Variants in TMEM259 observed in about 807,000 individuals in gnomAD.
TMEM259 encodes transmembrane protein 259.
A neutral mutation model predicts 46.7 loss-of-function variants in TMEM259; 26 were observed. The observed-to-expected ratio is 0.56, with a 90% CI of 0.41 to 0.77. TMEM259 has a LOEUF of 0.77. TMEM259 is among the 30% of genes least tolerant of loss of function. TMEM259 has a pLI of 0.00. For missense variants in TMEM259, 930 were observed against 900.5 expected (o/e 1.03, Z -0.42); for synonymous variants, 494 against 395.1 (o/e 1.25, Z -2.97).
chr19:1,016,796 G>A (rs575900105), intron 1 of TMEM259, among the ~76,000 whole-genome samples: 3 of 152,292 alleles, frequency 2.0e-5, no homozygotes, highest in African/African-American at 4.8e-5. Context: ...CAGGGTCAGC[G>A]GGAGAGGGCA....
At chr19:1,015,280 G>T (rs2039071357) in intron 1 of TMEM259, among the ~76,000 whole-genome samples, 1 of 152,190 alleles carries the variant, frequency 6.6e-6, no homozygotes, top group Non-Finnish European at 1.5e-5. Context: ...TCCTGCCCAG[G>T]GGATGCTTGG....
chr19:1,011,858 C>T (rs371837146), intron 6 of TMEM259, 34 bp downstream of exon 6: 313 of 1,593,892 alleles, frequency 2.0e-4, no homozygotes, highest in African/African-American at 9.4e-4. Flanking sequence ...GGCTCCCGCC[C>T]GGCCAGCCCC....
chr19:1,013,576 C>G, intron 2 of TMEM259: 1 of 501,534 alleles, frequency 2.0e-6, no homozygotes, highest in Non-Finnish European at 3.6e-6. Flanking sequence ...GAAGCTGAGG[C>G]AAGGGCCAGC....
Position 1,020,628 on chromosome 19 carries a change from A to C in TMEM259, c.225+144T>G. On this transcript the variant is annotated intron_variant, in intron 1 of 10. Transcript: ENST00000356663. This position sits in a 1 kb window ranked among gnomAD's most constrained non-coding sequence, Gnocchi z 4.0. ...GTCAGAGGTCGCGAGGGAGAGCCCT[A>C]ATCGGTAGGGCCGGGTATAGGCCTC... The C allele has an allele frequency of 2.0e-6, 1 of 493,362 alleles. No homozygotes were observed. Among genetic ancestry groups the C allele is most frequent in the Non-Finnish European group, 3.2e-6 (1 of 313,544 alleles). The allele number at this position is 493,362 out of a possible 1,614,324, so 30.6% of individuals were successfully genotyped here.
rs769956808 is a variant in TMEM259 at position 1,014,285 on chromosome 19, C to A, written c.414G>T (p.Pro138=). ...FCDSGGRGSF[P]GLAVEPGSNL... is the part of the protein sequence containing the mutation. Reference sequence around the variant, plus strand: ...TGCTGCCTGGTTCCACGGCCAGGCCCGGGAAGCTCCCGCGGCCGCCGCTGT... The same window carrying A: ...TGCTGCCTGGTTCCACGGCCAGGCCAGGGAAGCTCCCGCGGCCGCCGCTGT... Residue 138 remains proline, a synonymous_variant, in exon 2 of 11, where the codon CCG becomes CCT. Transcript: ENST00000356663. The A allele has an allele frequency of 6.2e-7, 1 of 1,612,886 alleles. No homozygotes were observed. Among genetic ancestry groups the A allele is most frequent in the Non-Finnish European group, 8.5e-7 (1 of 1,179,826 alleles).
chr19:1,014,209 C>T lies in TMEM259; in HGVS notation c.490G>A (p.Gly164Arg). 6.2e-7 allele frequency: 1 copy of T among 1,608,118 alleles called. No homozygotes were observed. The highest frequency in any genetic ancestry group is 8.5e-7 in the Non-Finnish European group (1 of 1,175,364). ...TGGCTCACCTTGATGGAGCTGTTCC[C>T]AAACATCTCCATGGTCAGCTCTTCC... The part of the protein sequence containing the change: ...EEEELTMEMF[G>R]NSSIKFELDI... The change falls in exon 2 of 11, where the codon GGG (glycine) becomes AGG (arginine). Residue 164 changes from glycine to arginine, a missense_variant. By Grantham distance (125) the Gly-to-Arg change is moderately radical. Transcript: ENST00000356663.
At chr19:1,017,479 C>T (rs2039149345) in intron 1 of TMEM259, 2 of 399,158 alleles carry the variant, frequency 5.0e-6, no homozygotes, top group Admixed American at 4.4e-5. Flanking sequence ...ATCCCACTGG[C>T]TGTGGCTCAC....
At chr19:1,013,477 C>G in intron 2 of TMEM259, 137 bp from the exon 3 acceptor site, 1 of 768,516 alleles carries the variant, frequency 1.3e-6, no homozygotes, top group Non-Finnish European at 2.1e-6. Flanking sequence ...CCAGGGTGGA[C>G]TACGTGTGCC....
At position 1,020,888 on chromosome 19, in the gene TMEM259, G is replaced by A; in HGVS notation, c.109C>T (p.Leu37Phe). 2 of 1,327,312 alleles carry A rather than the reference G, an allele frequency of 1.5e-6. No individual in the cohort carries two copies. The highest frequency in any genetic ancestry group is 3.0e-5 in the East Asian group (1 of 33,426). 82.2% of individuals were successfully genotyped at this position (1,327,312 alleles called of 1,614,324 possible). The change falls in exon 1 of 11, where the codon CTC (leucine) becomes TTC (phenylalanine). Residue 37 changes from leucine to phenylalanine, a missense_variant. Physicochemically the swap from Leu to Phe is conservative, Grantham distance 22. Transcript: ENST00000356663. This position sits in a 1 kb window ranked among gnomAD's most constrained non-coding sequence, Gnocchi z 4.0. ...PRTPNLNPNP[L>F]INVRDRLFHA... is the part of the protein sequence containing the mutation. ...AAGAGCCGGTCGCGCACGTTGATGA[G>A]GGGGTTGGGGTTGAGATTGGGGGTG...
chr19:1,017,344 C>G (rs1284698397), intron 1 of TMEM259: 3 of 399,306 alleles, frequency 7.5e-6, no homozygotes, highest in Non-Finnish European at 1.3e-5. Context: ...ACTCGCATGC[C>G]CTGGGTGGTC....
chr19:1,011,503 C>T lies in TMEM259; in HGVS notation c.1085-4G>A. ...TCCGACATGATGGCCTCCATCCCTG[C>T]AGGGAGAGGCGGCGCCGGTTGAAGC... On this transcript the variant is annotated splice_region_variant and splice_polypyrimidine_tract_variant and intron_variant, in intron 8 of 10. Transcript: ENST00000356663. The T allele has an allele frequency of 6.5e-7, 1 of 1,541,926 alleles. No individual in the cohort carries two copies. The highest frequency in any genetic ancestry group is 8.7e-7 in the Non-Finnish European group (1 of 1,144,580).
intron 4 of TMEM259, 97 bp from the exon 5 acceptor site, chr19:1,012,285 T>C: frequency 1.3e-6 from 2 of 1,516,990 alleles, no homozygotes; most frequent in Non-Finnish European, 1.8e-6. Flanking sequence ...GCCTGCTTCC[T>C]GGCCCTGCCC....
At chr19:1,011,835 C>T (rs745982074) in intron 6 of TMEM259, 37 bp from the exon 7 acceptor site, 7 of 1,588,150 alleles carry the variant, frequency 4.4e-6, no homozygotes, top group Admixed American at 3.5e-5. Flanking sequence ...TGAGGGGCTG[C>T]GAGGGCCTGC....
At chr19:1,018,393 G>C (rs927785902) in intron 1 of TMEM259, among the ~76,000 whole-genome samples, 8 of 152,174 alleles carry the variant, frequency 5.3e-5, no homozygotes, top group African/African-American at 1.9e-4. Context: ...ATTTCCTAAA[G>C]CCACCCAGGC....
Position 1,011,140 on chromosome 19 carries a change from G to T in TMEM259, c.1273C>A (p.Gln425Lys). The change falls in exon 10 of 11, where the codon CAG (glutamine) becomes AAG (lysine). Residue 425 changes from glutamine (Q) to lysine (K), a missense_variant. Coordinates refer to ENST00000356663, the MANE Select transcript of TMEM259 (RefSeq NM_001033026.2). The stretch of plus-strand genomic sequence containing the variant: ...GTGACCAGGGCCAGGCTGCTATACT[G>T]CCCATTGAAGCGGTAGTGATAGGCA... ...FYAYHYRFNG[Q>K]YSSLALVTSW... 1 of 1,605,132 alleles carries T rather than the reference G, an allele frequency of 6.2e-7. No homozygotes were observed.
At position 1,020,081 on chromosome 19, in the gene TMEM259, G is replaced by A. The variant is rs1208051172; in HGVS notation, c.225+691C>T. Among the ~76,000 whole-genome samples, 16 of 152,286 alleles carry A rather than the reference G, an allele frequency of 1.1e-4. No homozygotes were observed. Among genetic ancestry groups the A allele is most frequent in the African/African-American group, 3.6e-4 (15 of 41,552 alleles). On this transcript the variant is annotated intron_variant, in intron 1 of 10. Coordinates refer to ENST00000356663, the MANE Select transcript of TMEM259 (RefSeq NM_001033026.2). The surrounding 1 kb of genome is among the most constrained non-coding windows in gnomAD (Gnocchi z 4.0). ...CCCACAACCTGAGCTCCTGAAGCAG[G>A]AAGGGAGTGGGGACCCAGCGGAGGA...
rs1273618862 is a variant in TMEM259, at chr19:1,009,961, C to T, written c.*389G>A. ...GCACCAGGCAGAGCCGGGCTGAGGCCGGCCGGCACTAGGGCGCGAGGCCCC... is the reference window on the plus strand; with the variant it reads ...GCACCAGGCAGAGCCGGGCTGAGGCTGGCCGGCACTAGGGCGCGAGGCCCC... On this transcript the variant is annotated 3_prime_UTR_variant, in exon 11 of 11. Transcript: ENST00000356663. The T allele has an allele frequency of 1.6e-5, 5 of 314,730 alleles. No individual in the cohort carries two copies. In the Admixed American group the frequency reaches 2.0e-4, roughly 13 times the overall value. 19.5% of individuals were successfully genotyped at this position (314,730 alleles called of 1,614,324 possible).
chr19:1,010,644 C>G lies in TMEM259; in HGVS notation c.1569G>C (p.Leu523=), dbSNP rs760663235. ...CTGCCACTGAGGCTGCCGCGGCCAC[C>G]AGGGAGCTGGGCGCCGCTGCCACAG... ...PGPVAAAPSS[L]VAAAASVAAA... The change falls in exon 11 of 11, where the codon CTG becomes CTC. Residue 523 remains leucine, a synonymous_variant. Coordinates refer to ENST00000356663, the MANE Select transcript of TMEM259 (RefSeq NM_001033026.2). The G allele has an allele frequency of 1.6e-5, 25 of 1,541,974 alleles. No homozygotes were observed. In the African/African-American group the frequency reaches 3.4e-4, roughly 21 times the overall value.
chr19:1,010,787 T>C lies in TMEM259; in HGVS notation c.1426A>G (p.Thr476Ala). 6.4e-7 allele frequency: 1 copy of C among 1,566,366 alleles called. No homozygotes were observed. Reference sequence around the variant, plus strand: ...TTGTTCATGTCATCGGGCAGCGCCGTGGGGGTCCCGGGGCCCAGTGGCGGC... The same window carrying C: ...TTGTTCATGTCATCGGGCAGCGCCGCGGGGGTCCCGGGGCCCAGTGGCGGC... ...QAPPLGPGTPTALPDDMNNNS... is the reference protein window; with the variant it reads ...QAPPLGPGTPAALPDDMNNNS... Residue 476 changes from threonine to alanine, a missense_variant, in exon 11 of 11, where the codon ACG becomes GCG. By Grantham distance (58) the Thr-to-Ala change is moderately conservative. Coordinates refer to ENST00000356663, the MANE Select transcript of TMEM259 (RefSeq NM_001033026.2).
Sources: gnomAD v4.1 joint callset for allele counts (sites outside exome capture counted in the v4.1 genomes callset) on GRCh38, gnomAD v4.1.1 for gene constraint, Gnocchi (gnomAD v3.1) non-coding constraint, MANE v1.5 for transcripts, NCBI Gene and HGNC (gene_info 2026-07-23, HGNC 2026-07-21) for gene names.